The following IFNGR1 variants were observed in gnomAD, a reference collection of about 807,000 sequenced individuals.
The protein encoded by IFNGR1 is interferon gamma receptor 1.
A neutral mutation model predicts 35.4 loss-of-function variants in IFNGR1; 23 were observed. That is an observed-to-expected ratio of 0.65 (90% CI 0.47 to 0.92). The LOEUF (loss-of-function observed/expected upper bound fraction) is 0.92. Ranked by LOEUF, IFNGR1 falls within the 40% of genes least tolerant of loss-of-function variation. The pLI, the probability that IFNGR1 is intolerant of heterozygous loss-of-function variation, is 0.00. For synonymous variants in IFNGR1, 199 were observed against 209.5 expected (o/e 0.95, Z 0.43); for missense variants, 533 against 583.4 (o/e 0.91, Z 0.89).
At position 137,198,502 on chromosome 6, in the gene IFNGR1, G is replaced by A; in HGVS notation, c.999C>T (p.Gly333=). 1 of 1,614,130 alleles carries A rather than the reference G, an allele frequency of 6.2e-7. No homozygotes were observed. The highest frequency in any genetic ancestry group is 1.1e-5 in the South Asian group (1 of 91,080). The change falls in exon 7 of 7, where the codon GGC becomes GGT. Residue 333 remains glycine, a synonymous_variant. Transcript: ENST00000367739. ...TTCCTGGATTGTCTTCGGTATGCAT[G>A]CCTGGAACTGTTGCTGGAGACAACG... ...EEPLSPATVP[G]MHTEDNPGKV...
chr6:137,211,259 T>C (rs1245054212), intron 1 of IFNGR1, among the ~76,000 whole-genome samples: 1 of 152,186 alleles, frequency 6.6e-6, no homozygotes, highest in Non-Finnish European at 1.5e-5. Context: ...CCCTGCTTTA[T>C]GTTTACAATT....
At position 137,197,917 on chromosome 6, in the gene IFNGR1, A is replaced by G; in HGVS notation, c.*114T>C. On this transcript the variant is annotated 3_prime_UTR_variant, in exon 7 of 7. Transcript: ENST00000367739. ...GCTTTCATGTACACTAAGTCACTCCATTTGGTTGATACCAACTAAGATACA... is the reference window on the plus strand; with the variant it reads ...GCTTTCATGTACACTAAGTCACTCCGTTTGGTTGATACCAACTAAGATACA... 1 of 1,403,674 alleles carries G rather than the reference A, an allele frequency of 7.1e-7. No individual in the cohort carries two copies. Among genetic ancestry groups the G allele is most frequent in the Non-Finnish European group, 1.0e-6 (1 of 998,458 alleles). 87.0% of individuals were successfully genotyped at this position (1,403,674 alleles called of 1,614,324 possible). A position where few individuals can be genotyped will look rare whatever the true frequency, so the allele number is the denominator to read the frequency against.
chr6:137,211,058 G>A (rs551314578), intron 1 of IFNGR1, among the ~76,000 whole-genome samples: 6 of 152,102 alleles, frequency 3.9e-5, no homozygotes, highest in Admixed American at 1.3e-4. Flanking sequence ...GTTGCCAGGA[G>A]ACATTAGGCA....
rs1371344707 is a variant in IFNGR1, at chr6:137,198,071, A to G, written c.1430T>C (p.Ile477Thr). The change falls in exon 7 of 7, where the codon ATT (isoleucine) becomes ACT (threonine). Residue 477 changes from isoleucine (I) to threonine (T), a missense_variant. By Grantham distance (89) the Ile-to-Thr change is moderately conservative (BLOSUM62 -1). Coordinates refer to ENST00000367739, the MANE Select transcript of IFNGR1 (RefSeq NM_000416.3). ...LVDDSGKESL[I>T]GYRPTEDSKE... ...GGAATCTTCTGTTGGTCTATAACCA[A>G]TCAAGGACTCTTTACCGCTATCATC... 1 of 1,614,068 alleles carries G rather than the reference A, an allele frequency of 6.2e-7. No homozygotes were observed. The highest frequency in any genetic ancestry group is 2.2e-5 in the East Asian group (1 of 44,902).
rs1779431380 is a variant in IFNGR1, at chr6:137,206,447, A to G, written c.201-139T>C. On this transcript the variant is annotated intron_variant, in intron 2 of 6. Coordinates refer to ENST00000367739, the MANE Select transcript of IFNGR1 (RefSeq NM_000416.3). ...GCTAAGAATAGGATGGAGACGCCAG[A>G]GAAAGTAGGAAACCCTTACTCTTTA... 1.1e-5 allele frequency: 7 copies of G among 645,984 alleles called. No homozygotes were observed. The South Asian group carries it at 1.4e-4, about 13-fold the overall frequency. 40.0% of individuals were successfully genotyped at this position (645,984 alleles called of 1,614,324 possible). A position where few individuals can be genotyped will look rare whatever the true frequency, so the allele number is the denominator to read the frequency against.
intron 1 of IFNGR1, among the ~76,000 whole-genome samples, chr6:137,211,281 T>TA (rs934113417): frequency 5.3e-5 from 8 of 151,356 alleles, no homozygotes; most frequent in Non-Finnish European, 1.2e-4. Flanking sequence ...AAGTGTTCTT[T>TA]AAAAAAAAAG....
intron 3 of IFNGR1, among the ~76,000 whole-genome samples, chr6:137,205,080 G>A (rs1161248835): frequency 6.6e-6 from 1 of 152,066 alleles, no homozygotes; most frequent in Non-Finnish European, 1.5e-5. Flanking sequence ...GTATCCTCAG[G>A]GCCCAGTATA....
intron 1 of IFNGR1, chr6:137,215,397 C>T: frequency 7.1e-7 from 1 of 1,418,372 alleles, no homozygotes; most frequent in South Asian, 1.3e-5. Context: ...TTGAACAATG[C>T]ATTAAAATGA....
chr6:137,218,060 T>C (rs1779749129), intron 1 of IFNGR1, among the ~76,000 whole-genome samples: 1 of 152,212 alleles, frequency 6.6e-6, no homozygotes, highest in Non-Finnish European at 1.5e-5. Context: ...TGTGGATGAC[T>C]GACTAGAGCC....
In IFNGR1 at chr6:137,198,574, C is replaced by G. The variant is rs148579116; in HGVS notation, c.927G>C (p.Thr309=). The part of the protein sequence containing the change: ...KPESKYVSLI[T]SYQPFSLEKE... ...TTTCTAAGGAAAATGGCTGGTATGA[C>G]GTGATGAGTGATACATATTTTGATT... The change falls in exon 7 of 7, where the codon ACG becomes ACC. Residue 309 remains threonine, a synonymous_variant. Transcript: ENST00000367739. 4.3e-6 allele frequency: 7 copies of G among 1,613,750 alleles called. No individual in the cohort carries two copies. The highest frequency in any genetic ancestry group is 5.9e-6 in the Non-Finnish European group (7 of 1,179,886).
intron 1 of IFNGR1, among the ~76,000 whole-genome samples, chr6:137,217,725 C>A (rs772528088): frequency 1.1e-4 from 17 of 152,172 alleles, no homozygotes; most frequent in African/African-American, 4.1e-4. Flanking sequence ...CAATAAATTC[C>A]TCTTTTTGCT....
At chr6:137,206,828 AG>A (rs1779441716) in intron 2 of IFNGR1, 134 bp downstream of exon 2, 2 of 664,674 alleles carry the variant, frequency 3.0e-6, no homozygotes. Context: ...TTGCATCTTT[AG>A]TACTTTTGGA....
chr6:137,207,792 A>G (rs1422961869), intron 1 of IFNGR1, among the ~76,000 whole-genome samples: 7 of 152,232 alleles, frequency 4.6e-5, no homozygotes, highest in Non-Finnish European at 1.0e-4. Context: ...CAGCAGCATG[A>G]AAAAGGACTA....
chr6:137,209,004 C>T (rs1005809919), intron 1 of IFNGR1, among the ~76,000 whole-genome samples: 20 of 152,234 alleles, frequency 1.3e-4, no homozygotes, highest in African/African-American at 4.1e-4. Flanking sequence ...CTCTTACATC[C>T]GCATGACCTG....
In IFNGR1 at chr6:137,204,366, A is replaced by T; in HGVS notation, c.512T>A (p.Val171Glu). The T allele has an allele frequency of 6.2e-7, 1 of 1,613,946 alleles. No individual in the cohort carries two copies. Among genetic ancestry groups the T allele is most frequent in the Non-Finnish European group, 8.5e-7 (1 of 1,179,848 alleles). The change falls in exon 4 of 7, where the codon GTG becomes GAG. Residue 171 changes from valine to glutamate, a missense_variant. Coordinates refer to ENST00000367739, the MANE Select transcript of IFNGR1 (RefSeq NM_000416.3). ...GTTCATTCTCACATACACATTGTAC[A>T]CCCTAATGTAACAGGTAGTTTCGGG... ...YDPETTCYIR[V>E]YNVYVRMNGS...
chr6:137,211,934 C>A (rs779370866), intron 1 of IFNGR1, among the ~76,000 whole-genome samples: 2 of 152,194 alleles, frequency 1.3e-5, no homozygotes, highest in Non-Finnish European at 2.9e-5. Flanking sequence ...AGCCTTCCTT[C>A]GGAGACCATT....
chr6:137,202,273 AATG>A (rs1287364174), intron 5 of IFNGR1, among the ~76,000 whole-genome samples: 1 of 152,258 alleles, frequency 6.6e-6, no homozygotes, highest in Non-Finnish European at 1.5e-5. Flanking sequence ...GAGCCACGGC[AATG>A]CCACCGTGTG....
chr6:137,218,438 C>A, intron 1 of IFNGR1: 1 of 1,240,720 alleles, frequency 8.1e-7, no homozygotes, highest in Non-Finnish European at 1.1e-6. Flanking sequence ...CAAACCCGTA[C>A]GAAGAGACCT....
intron 1 of IFNGR1, among the ~76,000 whole-genome samples, chr6:137,207,436 T>C (rs2223965): frequency 6.6e-6 from 1 of 152,186 alleles, no homozygotes; most frequent in African/African-American, 2.4e-5. Context: ...TATTTGATAC[T>C]ACAGATTGTA....
Sources: gnomAD v4.1 joint callset for allele counts (sites outside exome capture counted in the v4.1 genomes callset) on GRCh38, gnomAD v4.1.1 for gene constraint, MANE v1.5 for transcripts, NCBI Gene and HGNC (gene_info 2026-07-23, HGNC 2026-07-21) for gene names.